METTL24: variants seen among roughly 807,000 people sequenced by gnomAD.
The protein encoded by METTL24 is probable methyltransferase-like protein 24.
In METTL24, 29 loss-of-function variants were observed where a neutral mutation model predicts 32.7. The ratio of observed to expected loss-of-function variants is 0.89; its 90% confidence interval spans 0.66 to 1.21. The LOEUF is 1.21. METTL24 is among the 50% of genes most tolerant of loss of function. METTL24 has a pLI of 0.00. For missense variants in METTL24, 439 were observed against 468.1 expected (o/e 0.94, Z 0.57); for synonymous variants, 163 against 179.5 (o/e 0.91, Z 0.73).
intron 2 of METTL24, 21 bp downstream of exon 2, chr6:110,322,753 T>C (rs6908306): frequency 0.92 from 1,471,206 of 1,595,532 alleles, 678,908 homozygotes; most frequent in East Asian, 1. Context: ...TTCTCTAACT[T>C]CTTTGAGCCT....
rs553786709 is a variant in METTL24, at chr6:110,301,995, G to A, written c.558-2845C>T. On this transcript the variant is annotated intron_variant, in intron 3 of 4. Transcript: ENST00000338882. Reference sequence around the variant, plus strand: ...ATATTTTCATTAAGAGAACGTTATGGCTGCATGCGGTGGCTCACACCTGTA... The same window carrying A: ...ATATTTTCATTAAGAGAACGTTATGACTGCATGCGGTGGCTCACACCTGTA... 2.0e-5 allele frequency among the ~76,000 whole-genome samples: 3 copies of A among 152,240 alleles called. No homozygotes were observed. The East Asian group carries it at 5.8e-4, about 29-fold the overall frequency.
chr6:110,328,660 C>T (rs970571829), intron 1 of METTL24, among the ~76,000 whole-genome samples: 4 of 152,060 alleles, frequency 2.6e-5, no homozygotes, highest in Admixed American at 1.3e-4. Context: ...CAAGATTTTA[C>T]TCCTAAAAGA....
intron 4 of METTL24, among the ~76,000 whole-genome samples, chr6:110,286,377 T>C (rs1193215474): frequency 6.6e-6 from 1 of 152,166 alleles, no homozygotes; most frequent in Non-Finnish European, 1.5e-5. Context: ...CTGGGCTCTA[T>C]CTCAGAACAA....
At chr6:110,277,725 A>C (rs1771071525) in intron 4 of METTL24, among the ~76,000 whole-genome samples, 1 of 152,142 alleles carries the variant, frequency 6.6e-6, no homozygotes, top group South Asian at 2.1e-4. Flanking sequence ...TTAAATCCAT[A>C]ATCTCTTATT....
intron 2 of METTL24, among the ~76,000 whole-genome samples, chr6:110,317,695 T>C (rs1771844484): frequency 6.6e-6 from 1 of 152,104 alleles, no homozygotes; most frequent in African/African-American, 2.4e-5. Flanking sequence ...CAGATGAAGA[T>C]GTGATGTTTG....
At chr6:110,349,494 C>A (rs187473016) in intron 1 of METTL24, among the ~76,000 whole-genome samples, 12 of 152,146 alleles carry the variant, frequency 7.9e-5, no homozygotes, top group African/African-American at 2.9e-4. Context: ...AGCATGAGTC[C>A]GGAGCATTGT....
intron 4 of METTL24, among the ~76,000 whole-genome samples, chr6:110,298,155 G>C (rs1771454536): frequency 6.6e-6 from 1 of 152,158 alleles, no homozygotes; most frequent in Admixed American, 6.5e-5. Flanking sequence ...AAATCACATG[G>C]CATCTCTGGC....
At chr6:110,260,050 C>A (rs111808248) in intron 4 of METTL24, among the ~76,000 whole-genome samples, 12,246 of 152,266 alleles carry the variant, frequency 0.08, 527 homozygotes, top group South Asian at 0.16. Context: ...TTCTAAAAGT[C>A]AGAATGCCTC....
chr6:110,275,598 G>T (rs947808447), intron 4 of METTL24, among the ~76,000 whole-genome samples: 3 of 152,110 alleles, frequency 2.0e-5, no homozygotes, highest in Non-Finnish European at 4.4e-5. Flanking sequence ...ACAAATGTTT[G>T]TCTCCTCCTA....
At chr6:110,356,394 G>T (rs567942990) in intron 1 of METTL24, among the ~76,000 whole-genome samples, 1 of 152,000 alleles carries the variant, frequency 6.6e-6, no homozygotes, top group Non-Finnish European at 1.5e-5. Flanking sequence ...AGTGAGCCAA[G>T]ATCAAGCCAC....
intron 1 of METTL24, among the ~76,000 whole-genome samples, chr6:110,328,461 T>G (rs1246843708): frequency 2.0e-5 from 3 of 152,208 alleles, no homozygotes; most frequent in Non-Finnish European, 2.9e-5. Flanking sequence ...TATCTGAGAT[T>G]CTACTTCCCG....
intron 4 of METTL24, among the ~76,000 whole-genome samples, chr6:110,262,584 C>T (rs1770756727): frequency 6.6e-6 from 1 of 152,022 alleles, no homozygotes; most frequent in East Asian, 1.9e-4. Context: ...TTCCAATCAA[C>T]AGAAAAAGAG....
chr6:110,276,133 CA>C (rs1771042925), intron 4 of METTL24, among the ~76,000 whole-genome samples: 1 of 152,116 alleles, frequency 6.6e-6, no homozygotes, highest in Non-Finnish European at 1.5e-5. Context: ...TGTGAGAAAC[CA>C]ATAAGATTAC....
intron 1 of METTL24, among the ~76,000 whole-genome samples, chr6:110,329,269 G>A (rs1253767142): frequency 6.6e-6 from 1 of 152,196 alleles, no homozygotes; most frequent in African/African-American, 2.4e-5. Flanking sequence ...AGTTGTGTGC[G>A]TGGAAATGAA....
intron 1 of METTL24, among the ~76,000 whole-genome samples, chr6:110,331,895 A>G (rs1322032580): frequency 6.6e-6 from 1 of 152,184 alleles, no homozygotes; most frequent in East Asian, 1.9e-4. Flanking sequence ...TCAAAACAAC[A>G]AGGTGAGAAC....
chr6:110,332,577 G>A (rs944193773), intron 1 of METTL24: 2 of 661,206 alleles, frequency 3.0e-6, no homozygotes, highest in Non-Finnish European at 1.9e-6. Context: ...TGGAAAGGAG[G>A]GACGAGTTTC....
At chr6:110,249,760 G>A (rs1778238406) in intron 4 of METTL24, among the ~76,000 whole-genome samples, 1 of 151,890 alleles carries the variant, frequency 6.6e-6, no homozygotes, top group African/African-American at 2.4e-5. Context: ...ATACAGTTAG[G>A]ATAAATCAGG....
At chr6:110,333,163 A>G (rs1204869015) in intron 1 of METTL24, among the ~76,000 whole-genome samples, 1 of 152,170 alleles carries the variant, frequency 6.6e-6, no homozygotes, top group Non-Finnish European at 1.5e-5. Context: ...GACTTACTTC[A>G]GTCAGTTACC....
chr6:110,295,781 AAAAG>A lies in METTL24; in HGVS notation c.786+3137_786+3140del, dbSNP rs1171995373. Among the ~76,000 whole-genome samples, 277 of 111,596 alleles carry A rather than the reference AAAAG, an allele frequency of 2.5e-3. 1 individual carries two copies. Among genetic ancestry groups the A allele is most frequent in the African/African-American group, 8.9e-3 (200 of 22,518 alleles). 73.2% of individuals were successfully genotyped at this position (111,596 alleles called of 152,430 possible). A position where few individuals can be genotyped will look rare whatever the true frequency, so the allele number is the denominator to read the frequency against. On this transcript the variant is annotated intron_variant, in intron 4 of 4. Coordinates refer to ENST00000338882, the MANE Select transcript of METTL24 (RefSeq NM_001123364.3). ...GTCTGATATATTTTCCCCGGGAAAG[AAAAG>A]AAAGAAAGAAAGGAAGGAAGGAAGG...
Sources: gnomAD v4.1 joint callset for allele counts (sites outside exome capture counted in the v4.1 genomes callset) on GRCh38, gnomAD v4.1.1 for gene constraint, MANE v1.5 for transcripts, NCBI Gene and HGNC (gene_info 2026-07-23, HGNC 2026-07-21) for gene names.